Variants in FBXO11 observed in about 807,000 individuals in gnomAD.
FBXO11 encodes F-box only protein 11.
A neutral mutation model predicts 117.0 loss-of-function variants in FBXO11; 13 were observed. That is an observed-to-expected ratio of 0.11 (90% confidence interval 0.07 to 0.18). FBXO11 has a LOEUF of 0.18. Ranked by LOEUF, FBXO11 falls within the 10% of genes least tolerant of loss-of-function variation. The pLI is 1.00. For missense variants in FBXO11, 767 were observed against 1,164.4 expected, an observed-to-expected ratio of 0.66 and a Z score of 4.97; for synonymous variants, 490 against 380.5, an observed-to-expected ratio of 1.29 and a Z score of -3.35.
rs185452229 is a variant in FBXO11, at chr2:47,833,424, C to G, written c.935-354G>C. Among the ~76,000 whole-genome samples the G allele has an allele frequency of 3.2e-3, 484 of 152,244 alleles. 3 individuals are homozygous for G. Among genetic ancestry groups the G allele is most frequent in the Non-Finnish European group, 4.6e-3 (314 of 68,004 alleles). On this transcript the variant is annotated intron_variant, in intron 7 of 22. Transcript: ENST00000403359. ...AAGAGACCTCTATTTAAATTTATTT[C>G]CAACAGTGGCCTCGATTTAGAAAGT...
chr2:47,813,424 A>ACTTTTTTTTTT (rs146642271), intron 17 of FBXO11, 47 bp from the exon 18 acceptor site: 1 of 579,228 alleles, frequency 1.7e-6, no homozygotes, highest in African/African-American at 7.7e-5. Context: ...ATTTCTTTTT[A>ACTTTTTTTTTT]ATTTTTTTTT....
intron 7 of FBXO11, among the ~76,000 whole-genome samples, chr2:47,834,369 G>A (rs1271419939): frequency 4.0e-5 from 6 of 151,834 alleles, no homozygotes; most frequent in African/African-American, 1.2e-4. Context: ...AAAAAGGTTG[G>A]GGGGGGCGGG....
chr2:47,878,749 A>G lies in FBXO11; in HGVS notation c.232+26740T>C, dbSNP rs554832371. On this transcript the variant is annotated intron_variant, in intron 1 of 22. Coordinates refer to ENST00000403359, the MANE Select transcript of FBXO11 (RefSeq NM_001190274.2). ...TCCCAGCATTTTGGGAGACAGAGAC[A>G]GGCAGATCACCTGAGGTCAGGAGTT... is the stretch of plus-strand genomic sequence containing the variant. Among the ~76,000 whole-genome samples, 20 of 151,178 alleles carry G rather than the reference A, an allele frequency of 1.3e-4. No homozygotes were observed. In the East Asian group the frequency reaches 4.0e-3, roughly 30 times the overall value.
intron 1 of FBXO11, among the ~76,000 whole-genome samples, chr2:47,873,157 T>C (rs1200924344): frequency 6.6e-6 from 1 of 152,214 alleles, no homozygotes; most frequent in Admixed American, 6.5e-5. Flanking sequence ...TTGAAAGGTG[T>C]AAATCTAGAC....
chr2:47,807,806 A>T lies in FBXO11; in HGVS notation c.*312T>A, dbSNP rs1441945896. 2 of 283,282 alleles carry T rather than the reference A, an allele frequency of 7.1e-6. No homozygotes were observed. 17.5% of individuals were successfully genotyped at this position (283,282 alleles called of 1,614,324 possible). On this transcript the variant is annotated 3_prime_UTR_variant, in exon 23 of 23. Coordinates refer to ENST00000403359, the MANE Select transcript of FBXO11 (RefSeq NM_001190274.2). ...AGATTACTACTGCAAATTGGACTGC[A>T]TTCAATGCTAGTTGTAAAAACACCA...
At chr2:47,824,051 A>C (rs896336867) in intron 11 of FBXO11, among the ~76,000 whole-genome samples, 1 of 152,218 alleles carries the variant, frequency 6.6e-6, no homozygotes, top group African/African-American at 2.4e-5. Context: ...TCCTCTAATA[A>C]GTCCAAGTAC....
Position 47,901,720 on chromosome 2 carries a change from A to T in FBXO11, c.232+3769T>A, listed in dbSNP as rs142980724. The stretch of plus-strand genomic sequence containing the variant: ...CTAAAATCTACTGATGAGAACACAC[A>T]GCACTTCTGTAGACTTGTAAGCTTT... On this transcript the variant is annotated intron_variant, in intron 1 of 22. Coordinates refer to ENST00000403359, the MANE Select transcript of FBXO11 (RefSeq NM_001190274.2). 5.3e-5 allele frequency among the ~76,000 whole-genome samples: 8 copies of T among 152,320 alleles called. No homozygotes were observed. In the East Asian group the frequency reaches 1.5e-3, roughly 29 times the overall value.
At chr2:47,851,130 C>A (rs1004673315) in intron 1 of FBXO11, among the ~76,000 whole-genome samples, 6 of 151,400 alleles carry the variant, frequency 4.0e-5, no homozygotes, top group African/African-American at 1.5e-4. Context: ...ATCATTAATT[C>A]AAGAACAGAA....
At chr2:47,861,897 G>C (rs1674804484) in intron 1 of FBXO11, among the ~76,000 whole-genome samples, 1 of 150,284 alleles carries the variant, frequency 6.7e-6, no homozygotes, top group Non-Finnish European at 1.5e-5. Flanking sequence ...TTCTTGTCAT[G>C]TAAGGTTAAG....
chr2:47,849,210 A>G (rs994070887), intron 1 of FBXO11, among the ~76,000 whole-genome samples: 3 of 152,244 alleles, frequency 2.0e-5, no homozygotes, highest in African/African-American at 7.2e-5. Context: ...ATAAAGTTAC[A>G]TGGTTTACTT....
chr2:47,823,468 T>C (rs1671523892), intron 11 of FBXO11, 108 bp from the exon 12 acceptor site: 3 of 880,766 alleles, frequency 3.4e-6, no homozygotes, highest in Non-Finnish European at 3.4e-6. Flanking sequence ...ATTAGAAACA[T>C]TTAAGGCTGG....
At chr2:47,859,729 A>C (rs978659960) in intron 1 of FBXO11, among the ~76,000 whole-genome samples, 2 of 152,362 alleles carry the variant, frequency 1.3e-5, no homozygotes, top group African/African-American at 4.8e-5. Context: ...CATTTTGATT[A>C]AAAATATTTC....
intron 16 of FBXO11, 155 bp downstream of exon 16, chr2:47,818,624 A>C (rs1271589845): frequency 1.3e-5 from 8 of 631,500 alleles, no homozygotes; most frequent in Non-Finnish European, 1.9e-5. Context: ...GGAAAGCTAC[A>C]TTCTGACAAT....
At chr2:47,840,550 A>T (rs1041269165) in intron 1 of FBXO11, among the ~76,000 whole-genome samples, 2 of 148,662 alleles carry the variant, frequency 1.3e-5, no homozygotes, top group African/African-American at 5.0e-5. Flanking sequence ...TCTTGGCCTC[A>T]AGCAATCCTC....
chr2:47,879,391 G>A (rs553417277), intron 1 of FBXO11, among the ~76,000 whole-genome samples: 1 of 152,318 alleles, frequency 6.6e-6, no homozygotes, highest in South Asian at 2.1e-4. Context: ...CAGTGTATGA[G>A]CAGCTTTTCC....
intron 1 of FBXO11, among the ~76,000 whole-genome samples, chr2:47,881,281 T>C (rs979648223): frequency 2.6e-5 from 4 of 152,064 alleles, no homozygotes; most frequent in African/African-American, 9.7e-5. Context: ...GAAAGGTATG[T>C]CTGGTCTTAG....
intron 1 of FBXO11, among the ~76,000 whole-genome samples, chr2:47,874,587 TG>T (rs1489237358): frequency 6.6e-6 from 1 of 152,156 alleles, no homozygotes; most frequent in Non-Finnish European, 1.5e-5. Context: ...CAGGATGCAT[TG>T]CAGTGGTGCA....
intron 1 of FBXO11, among the ~76,000 whole-genome samples, chr2:47,903,650 ATTGT>A (rs1383527996): frequency 6.6e-6 from 1 of 152,216 alleles, no homozygotes; most frequent in Non-Finnish European, 1.5e-5. Flanking sequence ...AGGAGACTAA[ATTGT>A]TTGACACGTT....
chr2:47,824,636 C>A (rs1193087101), intron 11 of FBXO11, among the ~76,000 whole-genome samples: 1 of 152,032 alleles, frequency 6.6e-6, no homozygotes, highest in South Asian at 2.1e-4. Flanking sequence ...ATGAAAAGAA[C>A]AAGTTTTAAA....
Sources: allele counts gnomAD v4.1 joint callset (sites outside exome capture counted in the v4.1 genomes callset), GRCh38; gene constraint gnomAD v4.1.1; transcripts MANE v1.5; gene names NCBI Gene and HGNC (gene_info 2026-07-23, HGNC 2026-07-21).